The following NELL2 variants were observed in gnomAD, a reference collection of about 807,000 sequenced individuals.
NELL2 encodes protein kinase C-binding protein NELL2.
A neutral mutation model predicts 109.6 loss-of-function variants in NELL2; 41 were observed. The observed-to-expected ratio is 0.37, with a 90% CI of 0.29 to 0.49. The LOEUF (loss-of-function observed/expected upper bound fraction) is 0.49. Ranked by LOEUF, NELL2 falls within the 20% of genes least tolerant of loss-of-function variation. The probability of loss-of-function intolerance (pLI) is 0.98; values close to 1 mark genes in which losing one functional copy is unlikely to be tolerated. For synonymous variants in NELL2, 355 were observed against 344.7 expected (o/e 1.03, Z -0.33); for missense variants, 900 against 1,008.3 (o/e 0.89, Z 1.45).
chr12:44,587,701 T>C (rs1477415178), intron 15 of NELL2, among the ~76,000 whole-genome samples: 1 of 152,166 alleles, frequency 6.6e-6, no homozygotes, highest in Non-Finnish European at 1.5e-5. Context: ...CTCCAGGTTT[T>C]CTGAAAGCCA....
intron 9 of NELL2, among the ~76,000 whole-genome samples, chr12:44,716,807 C>G (rs1472741179): frequency 6.6e-6 from 1 of 152,042 alleles, no homozygotes; most frequent in South Asian, 2.1e-4. Flanking sequence ...AAATCTTACA[C>G]AGAGGGGAAA....
chr12:44,891,513 CTTCCATGTTA>C (rs1307495165), intron 1 of NELL2, among the ~76,000 whole-genome samples: 2 of 152,198 alleles, frequency 1.3e-5, no homozygotes, highest in Non-Finnish European at 2.9e-5. Flanking sequence ...AAGTTAAGAT[CTTCCATGTTA>C]TTGTCATTGT....
At chr12:44,759,286 G>C (rs1941022474) in intron 9 of NELL2, among the ~76,000 whole-genome samples, 1 of 152,260 alleles carries the variant, frequency 6.6e-6, no homozygotes, top group South Asian at 2.1e-4. Context: ...TGACTTTACA[G>C]GTTCTCCATC....
chr12:44,865,398 G>T (rs1445586761), intron 2 of NELL2, among the ~76,000 whole-genome samples: 1 of 129,544 alleles, frequency 7.7e-6, no homozygotes, highest in African/African-American at 2.9e-5. Context: ...CAATAGCAAA[G>T]ACTTGGAACC....
Position 44,764,476 on chromosome 12 carries a change from A to C in NELL2, c.994+10271T>G, listed in dbSNP as rs189588535. Among the ~76,000 whole-genome samples the C allele has an allele frequency of 1.6e-3, 240 of 152,288 alleles. 2 individuals carry two copies. Among genetic ancestry groups the C allele is most frequent in the African/African-American group, 5.1e-3 (210 of 41,552 alleles). On this transcript the variant is annotated intron_variant, in intron 9 of 19. Coordinates refer to ENST00000429094, the MANE Select transcript of NELL2 (RefSeq NM_001145108.2). Reference sequence around the variant, plus strand: ...AATCATAGAGAAATAACTATTATAAAATCATATTTCCTAAGTACTTACATA... The same window carrying C: ...AATCATAGAGAAATAACTATTATAACATCATATTTCCTAAGTACTTACATA...
chr12:44,561,593 A>G (rs764241298), intron 15 of NELL2, among the ~76,000 whole-genome samples: 5 of 152,146 alleles, frequency 3.3e-5, no homozygotes, highest in Non-Finnish European at 7.4e-5. Flanking sequence ...AATAAAATAC[A>G]TAAGAATACA....
intron 15 of NELL2, among the ~76,000 whole-genome samples, chr12:44,591,318 C>T (rs1383638734): frequency 6.6e-6 from 1 of 152,104 alleles, no homozygotes; most frequent in African/African-American, 2.4e-5. Context: ...GAAGAGATAT[C>T]TGCACCCCCA....
intron 3 of NELL2, among the ~76,000 whole-genome samples, chr12:44,797,842 T>C (rs1351637548): frequency 7.3e-6 from 1 of 137,044 alleles, no homozygotes; most frequent in African/African-American, 2.6e-5. Flanking sequence ...CCATCCTAGA[T>C]GGAATGATGG....
intron 12 of NELL2, among the ~76,000 whole-genome samples, chr12:44,699,310 A>T (rs1241956448): frequency 6.6e-6 from 1 of 152,158 alleles, no homozygotes; most frequent in African/African-American, 2.4e-5. Flanking sequence ...AAGTAGGCCA[A>T]TATACTTCCA....
chr12:44,720,443 CAGA>C (rs1297537844), intron 9 of NELL2, among the ~76,000 whole-genome samples: 1 of 152,142 alleles, frequency 6.6e-6, no homozygotes, highest in Non-Finnish European at 1.5e-5. Context: ...CTGTGTCTTA[CAGA>C]AGGAGTCTGC....
At chr12:44,545,063 C>T (rs575078413) in intron 15 of NELL2, among the ~76,000 whole-genome samples, 42 of 151,938 alleles carry the variant, frequency 2.8e-4, no homozygotes, top group African/African-American at 9.6e-4. Context: ...CAGAGGGTTG[C>T]CAACAATGGT....
rs1327671301 is a variant in NELL2 at position 44,876,268 on chromosome 12, C to A, written c.-399G>T. 2.6e-6 allele frequency: 3 copies of A among 1,158,032 alleles called. No homozygotes were observed. The highest frequency in any genetic ancestry group is 1.6e-5 in the African/African-American group (1 of 63,058). 71.7% of individuals were successfully genotyped at this position (1,158,032 alleles called of 1,614,324 possible). The stretch of plus-strand genomic sequence containing the variant: ...AGCCCGGGCTGGGGCGGCCCCGCAC[C>A]CCCCCGTCTTCCCCGCCGCCCGAAC... On this transcript the variant is annotated 5_prime_UTR_variant, in exon 1 of 20. Coordinates refer to ENST00000429094, the MANE Select transcript of NELL2 (RefSeq NM_001145108.2).
intron 15 of NELL2, among the ~76,000 whole-genome samples, chr12:44,575,048 T>C (rs1410571593): frequency 3.3e-5 from 5 of 152,230 alleles, no homozygotes; most frequent in Non-Finnish European, 7.3e-5. Flanking sequence ...ACACATCTTG[T>C]GTATGGTTTG....
intron 7 of NELL2, 49 bp from the exon 8 acceptor site, chr12:44,776,199 C>T: frequency 6.3e-7 from 1 of 1,599,000 alleles, no homozygotes; most frequent in Non-Finnish European, 8.5e-7. Flanking sequence ...TCCAGCAACA[C>T]AGAAATGTGA....
intron 9 of NELL2, among the ~76,000 whole-genome samples, chr12:44,719,660 C>T (rs1055599322): frequency 2.1e-4 from 32 of 152,174 alleles, no homozygotes; most frequent in African/African-American, 6.3e-4. Flanking sequence ...TTTCAAAACA[C>T]CAAATATCAG....
chr12:44,543,031 T>G (rs1417219228), intron 15 of NELL2, among the ~76,000 whole-genome samples: 3 of 152,136 alleles, frequency 2.0e-5, no homozygotes, highest in South Asian at 4.1e-4. Flanking sequence ...AGCTACCCAG[T>G]TTGTGGTTTT....
intron 15 of NELL2, among the ~76,000 whole-genome samples, chr12:44,566,766 C>T (rs951549735): frequency 6.6e-6 from 1 of 151,970 alleles, no homozygotes; most frequent in Non-Finnish European, 1.5e-5. Flanking sequence ...ATCTACTTTA[C>T]AATACTTCTG....
chr12:44,536,150 C>T (rs1425614827), intron 15 of NELL2, among the ~76,000 whole-genome samples: 1 of 151,878 alleles, frequency 6.6e-6, no homozygotes, highest in Non-Finnish European at 1.5e-5. Flanking sequence ...TTTTTTCGCT[C>T]ATGACTCTAA....
At chr12:44,847,699 AAAGAG>A (rs1313078017) in intron 2 of NELL2, among the ~76,000 whole-genome samples, 1 of 152,188 alleles carries the variant, frequency 6.6e-6, no homozygotes, top group South Asian at 2.1e-4. Context: ...GAAAATAAGC[AAAGAG>A]AAGAGATTTT....
Sources: allele counts gnomAD v4.1 joint callset (sites outside exome capture counted in the v4.1 genomes callset), GRCh38; gene constraint gnomAD v4.1.1; transcripts MANE v1.5; gene names NCBI Gene and HGNC (gene_info 2026-07-23, HGNC 2026-07-21).